The following GRIK2 variants were observed in gnomAD, a reference collection of about 807,000 sequenced individuals.
The protein encoded by GRIK2 is glutamate receptor ionotropic, kainate 2.
GRIK2 carries 32 observed loss-of-function variants against 100.3 expected under a neutral mutation model. The observed-to-expected ratio is 0.32, with a 90% CI of 0.24 to 0.43. The LOEUF (loss-of-function observed/expected upper bound fraction) is 0.43. Ranked by LOEUF, GRIK2 falls within the 20% of genes least tolerant of loss-of-function variation. The pLI is 1.00. For missense variants in GRIK2, 843 were observed against 1,114.9 expected (o/e 0.76, Z 3.47); for synonymous variants, 417 against 389.4 (o/e 1.07, Z -0.83).
At chr6:101,621,042 A>C (rs1242774912) in intron 2 of GRIK2, among the ~76,000 whole-genome samples, 1 of 152,180 alleles carries the variant, frequency 6.6e-6, no homozygotes, top group East Asian at 1.9e-4. Flanking sequence ...TGTTTTGGAG[A>C]GGCATCCTTC....
At chr6:102,038,932 G>A (rs1770421593) in intron 15 of GRIK2, among the ~76,000 whole-genome samples, 1 of 151,278 alleles carries the variant, frequency 6.6e-6, no homozygotes, top group South Asian at 2.1e-4. Context: ...AGATTTTGAG[G>A]TATTTTCAAG....
At chr6:102,067,665 A>C (rs536287335) in intron 16 of GRIK2, among the ~76,000 whole-genome samples, 1 of 151,926 alleles carries the variant, frequency 6.6e-6, no homozygotes, top group Non-Finnish European at 1.5e-5. Context: ...TCATTTGATA[A>C]ATTATCAGCT....
chr6:101,766,250 GA>G (rs35234704), intron 7 of GRIK2, among the ~76,000 whole-genome samples: 309 of 147,958 alleles, frequency 2.1e-3, no homozygotes, highest in African/African-American at 6.6e-3. Flanking sequence ...AGAGCAACCT[GA>G]AAAAAAAAAT....
At chr6:101,819,412 C>T (rs1443426489) in intron 10 of GRIK2, among the ~76,000 whole-genome samples, 1 of 151,970 alleles carries the variant, frequency 6.6e-6, no homozygotes, top group Non-Finnish European at 1.5e-5. Context: ...GTAGGCATGT[C>T]AAAATGAAGT....
intron 2 of GRIK2, among the ~76,000 whole-genome samples, chr6:101,487,580 C>G (rs1298496732): frequency 2.7e-5 from 4 of 146,968 alleles, no homozygotes; most frequent in African/African-American, 1.0e-4. Context: ...ATAAAACAAA[C>G]TACTGGAAAA....
intron 10 of GRIK2, among the ~76,000 whole-genome samples, chr6:101,837,525 T>TA (rs1320437554): frequency 1.3e-5 from 2 of 152,198 alleles, no homozygotes; most frequent in Non-Finnish European, 2.9e-5. Context: ...ATGCAGTTTT[T>TA]ATCTCTGAAT....
chr6:101,658,520 G>A (rs1329123853), intron 4 of GRIK2, among the ~76,000 whole-genome samples: 2 of 152,180 alleles, frequency 1.3e-5, no homozygotes, highest in Non-Finnish European at 2.9e-5. Context: ...ACATACGTGT[G>A]CATGTGTCTT....
chr6:101,497,367 T>G (rs1454252214), intron 2 of GRIK2, among the ~76,000 whole-genome samples: 5 of 152,328 alleles, frequency 3.3e-5, no homozygotes, highest in Admixed American at 6.5e-5. Flanking sequence ...ACTGGGCACA[T>G]AGCATGTGCT....
intron 8 of GRIK2, 110 bp downstream of exon 8, chr6:101,799,901 A>G: frequency 1.2e-6 from 1 of 830,868 alleles, no homozygotes; most frequent in East Asian, 2.6e-5. Flanking sequence ...TTTAATTTAA[A>G]TTTTCTCTCT....
At chr6:101,605,158 C>G (rs1201375035) in intron 2 of GRIK2, among the ~76,000 whole-genome samples, 1 of 151,924 alleles carries the variant, frequency 6.6e-6, no homozygotes, top group Admixed American at 6.6e-5. Context: ...AAAGGAAAGG[C>G]TTGATGCTTA....
intron 2 of GRIK2, among the ~76,000 whole-genome samples, chr6:101,465,761 G>C (rs148582084): frequency 6.6e-6 from 1 of 152,118 alleles, no homozygotes. Flanking sequence ...CACATCAAGC[G>C]GGACACCGAT....
At chr6:101,486,293 G>A (rs1350947594) in intron 2 of GRIK2, among the ~76,000 whole-genome samples, 1 of 146,670 alleles carries the variant, frequency 6.8e-6, no homozygotes. Context: ...TAGTAACCGA[G>A]CATTTGTGAG....
chr6:101,631,176 T>C (rs1780728563), intron 4 of GRIK2, among the ~76,000 whole-genome samples: 1 of 152,178 alleles, frequency 6.6e-6, no homozygotes, highest in Admixed American at 6.6e-5. Context: ...TGGAAAAGAA[T>C]TGGCTTCAGA....
At chr6:101,467,962 A>C (rs1375403622) in intron 2 of GRIK2, among the ~76,000 whole-genome samples, 1 of 149,248 alleles carries the variant, frequency 6.7e-6, no homozygotes, top group African/African-American at 2.5e-5. Flanking sequence ...AGGATGTAGG[A>C]GTGTCTCTCA....
At chr6:102,028,316 C>G (rs1769808297) in intron 14 of GRIK2, among the ~76,000 whole-genome samples, 1 of 151,058 alleles carries the variant, frequency 6.6e-6, no homozygotes, top group African/African-American at 2.4e-5. Flanking sequence ...GTTTCACAAT[C>G]CATGAAAACT....
intron 2 of GRIK2, among the ~76,000 whole-genome samples, chr6:101,485,133 A>G (rs1430680905): frequency 6.6e-6 from 1 of 152,226 alleles, no homozygotes; most frequent in Non-Finnish European, 1.5e-5. Context: ...AGTATACTAA[A>G]TCCTATATCT....
chr6:101,436,847 G>T (rs1231324218), intron 2 of GRIK2, among the ~76,000 whole-genome samples: 1 of 150,442 alleles, frequency 6.6e-6, no homozygotes, highest in Non-Finnish European at 1.5e-5. Flanking sequence ...ACAACATGCA[G>T]GTTTGTTAAA....
chr6:101,773,188 A>G (rs1778510440), intron 7 of GRIK2, among the ~76,000 whole-genome samples: 1 of 152,180 alleles, frequency 6.6e-6, no homozygotes, highest in Non-Finnish European at 1.5e-5. Flanking sequence ...GTTAATTAAA[A>G]TAGTGAAGAG....
intron 2 of GRIK2, among the ~76,000 whole-genome samples, chr6:101,419,089 C>T (rs570185334): frequency 6.6e-6 from 1 of 152,302 alleles, no homozygotes; most frequent in African/African-American, 2.4e-5. Context: ...TTACTCTTAT[C>T]TGACTCTTTT....
Sources: gnomAD v4.1 joint callset for allele counts (sites outside exome capture counted in the v4.1 genomes callset) on GRCh38, gnomAD v4.1.1 for gene constraint, MANE v1.5 for transcripts, NCBI Gene and HGNC (gene_info 2026-07-23, HGNC 2026-07-21) for gene names.